NEDD1: variants seen among roughly 807,000 people sequenced by gnomAD.
NEDD1 encodes protein NEDD1.
A neutral mutation model predicts 74.0 loss-of-function variants in NEDD1; 33 were observed. The observed-to-expected ratio is 0.45, with a 90% CI of 0.34 to 0.60. The LOEUF (loss-of-function observed/expected upper bound fraction) is 0.60. Among genes scored for constraint, NEDD1 ranks in the 20% least tolerant of loss-of-function variants. NEDD1 has a pLI of 0.01. For synonymous variants in NEDD1, 250 were observed against 264.4 expected, an observed-to-expected ratio of 0.95 and a Z score of 0.53; for missense variants, 746 against 776.5, an observed-to-expected ratio of 0.96 and a Z score of 0.47.
intron 6 of NEDD1, among the ~76,000 whole-genome samples, chr12:96,931,910 A>AT (rs1391446391): frequency 1.3e-5 from 2 of 152,038 alleles, no homozygotes; most frequent in African/African-American, 4.8e-5. Context: ...GATAAAAAAA[A>AT]TTTTTTTCTA....
intron 9 of NEDD1, among the ~76,000 whole-genome samples, chr12:96,937,636 C>G (rs1203471752): frequency 2.0e-5 from 3 of 151,980 alleles, no homozygotes; most frequent in Non-Finnish European, 4.4e-5. Context: ...GAAATATTGT[C>G]TTAAAAATGG....
rs530416309 is a variant in NEDD1, at chr12:96,936,395, A to C, written c.720-216A>C. 3.9e-5 allele frequency among the ~76,000 whole-genome samples: 6 copies of C among 152,316 alleles called. No individual in the cohort carries two copies. In the South Asian group the frequency reaches 1.2e-3, roughly 32 times the overall value. On this transcript the variant is annotated intron_variant, in intron 7 of 15. Transcript: ENST00000266742. ...CCTATTGGAAGTGAATAGAAAAGTA[A>C]GATGGAATGTTTAGCAGTTCTCTAT...
intron 6 of NEDD1, among the ~76,000 whole-genome samples, chr12:96,927,179 A>G (rs1194375223): frequency 6.6e-6 from 1 of 152,206 alleles, no homozygotes; most frequent in African/African-American, 2.4e-5. Context: ...AAATTTTTCT[A>G]CTTTTGCTTC....
At chr12:96,909,487 G>A (rs1873673270) in intron 2 of NEDD1, among the ~76,000 whole-genome samples, 1 of 151,830 alleles carries the variant, frequency 6.6e-6, no homozygotes, top group African/African-American at 2.4e-5. Context: ...AAAGAGGAGA[G>A]TTACATGGGG....
chr12:96,940,401 C>T lies in NEDD1; in HGVS notation c.1118-8C>T, dbSNP rs376668036. The T allele has an allele frequency of 1.0e-5, 16 of 1,545,344 alleles. No homozygotes were observed. The African/African-American group carries it at 2.2e-4, about 21-fold the overall frequency. The stretch of plus-strand genomic sequence containing the variant: ...ATAACATTGATTTTTATATCTAATT[C>T]CTATAAGGTTTGCCTCGAAGCATAA... On this transcript the variant is annotated splice_polypyrimidine_tract_variant and splice_region_variant and intron_variant, in intron 9 of 15. Transcript: ENST00000266742.
At chr12:96,921,005 G>A (rs538397030) in intron 6 of NEDD1, among the ~76,000 whole-genome samples, 19 of 152,228 alleles carry the variant, frequency 1.2e-4, no homozygotes, top group African/African-American at 3.9e-4. Flanking sequence ...ACAGTCTTAT[G>A]GTGATTCAGA....
chr12:96,941,054 A>C (rs1448094021), intron 10 of NEDD1, among the ~76,000 whole-genome samples: 1 of 152,092 alleles, frequency 6.6e-6, no homozygotes, highest in Non-Finnish European at 1.5e-5. Flanking sequence ...TCTTTTTGGT[A>C]CTAACATCCA....
intron 4 of NEDD1, among the ~76,000 whole-genome samples, chr12:96,915,065 T>C (rs1381552025): frequency 6.6e-6 from 1 of 152,208 alleles, no homozygotes; most frequent in African/African-American, 2.4e-5. Context: ...TTCTAAAGCT[T>C]CTTAGTCTCC....
chr12:96,911,238 G>A (rs187099198), intron 3 of NEDD1, among the ~76,000 whole-genome samples: 34 of 152,262 alleles, frequency 2.2e-4, no homozygotes, highest in Middle Eastern at 3.4e-3. Flanking sequence ...ATAAGAGAAA[G>A]GTAGCAATTT....
At chr12:96,913,368 C>T (rs1477761864) in intron 4 of NEDD1, among the ~76,000 whole-genome samples, 1 of 151,748 alleles carries the variant, frequency 6.6e-6, no homozygotes, top group African/African-American at 2.4e-5. Flanking sequence ...GTACTGTTGC[C>T]TTATCCTTTT....
In NEDD1 at chr12:96,936,938, A is replaced by G; in HGVS notation, c.921+126A>G. 3 of 619,748 alleles carry G rather than the reference A, an allele frequency of 4.8e-6. No individual in the cohort carries two copies. In the South Asian group the frequency reaches 8.4e-5, roughly 17 times the overall value. 38.4% of individuals were successfully genotyped at this position (619,748 alleles called of 1,614,324 possible). On this transcript the variant is annotated intron_variant, in intron 8 of 15. Transcript: ENST00000266742. ...TAATTACATAATGATTTTACATGTAATGTATAATAATTTTAGTACAAAGCC... is the reference window on the plus strand; with the variant it reads ...TAATTACATAATGATTTTACATGTAGTGTATAATAATTTTAGTACAAAGCC...
At chr12:96,926,988 TTGTGTGTG>T (rs58398494) in intron 6 of NEDD1, among the ~76,000 whole-genome samples, 1 of 147,816 alleles carries the variant, frequency 6.8e-6, no homozygotes. Context: ...AAAAAAAAAA[TTGTGTGTG>T]TGTGTGTGTG....
At chr12:96,929,624 T>TATATATA (rs34602531) in intron 6 of NEDD1, among the ~76,000 whole-genome samples, 31 of 125,336 alleles carry the variant, frequency 2.5e-4, no homozygotes, top group African/African-American at 9.4e-4. Flanking sequence ...TATATATATA[T>TATATATA]TTTTTTTTTA....
Position 96,907,677 on chromosome 12 carries a change from G to T in NEDD1, c.-188G>T, listed in dbSNP as rs1296831338. ...CAAGTAAAGTGTATTTTTGGTGATT[G>T]AAAGTTGGAGAACTTTCATTTCAGC... On this transcript the variant is annotated 5_prime_UTR_variant, in exon 2 of 16. Coordinates refer to ENST00000266742, the MANE Select transcript of NEDD1 (RefSeq NM_152905.4). 3.9e-6 allele frequency: 6 copies of T among 1,551,112 alleles called. No individual in the cohort carries two copies. In the African/African-American group the frequency reaches 4.1e-5, roughly 11 times the overall value.
At position 96,947,637 on chromosome 12, in the gene NEDD1, C is replaced by A. The variant is rs950489101; in HGVS notation, c.1811+1788C>A. ...GATTTGAGGACAGTGGGCTCAGGGC[C>A]TTTCCTTCAGCAGACCCAGGGATCT... On this transcript the variant is annotated intron_variant, in intron 14 of 15. Coordinates refer to ENST00000266742, the MANE Select transcript of NEDD1 (RefSeq NM_152905.4). Among the ~76,000 whole-genome samples, 25 of 152,306 alleles carry A rather than the reference C, an allele frequency of 1.6e-4. 2 individuals are homozygous for A. Among genetic ancestry groups the A allele is most frequent in the Admixed American group, 8.5e-4 (13 of 15,298 alleles).
intron 6 of NEDD1, among the ~76,000 whole-genome samples, chr12:96,921,600 G>A (rs538154210): frequency 2.0e-5 from 3 of 151,996 alleles, no homozygotes; most frequent in South Asian, 4.1e-4. Context: ...ATATTTGAAT[G>A]TATGAATATT....
At chr12:96,930,738 G>T (rs1365857804) in intron 6 of NEDD1, among the ~76,000 whole-genome samples, 4 of 152,098 alleles carry the variant, frequency 2.6e-5, no homozygotes, top group African/African-American at 7.2e-5. Context: ...ACCCAAGTTC[G>T]CAGATGCTAG....
At position 96,943,630 on chromosome 12, in the gene NEDD1, A is replaced by G. The variant is rs773231338; in HGVS notation, c.1365A>G (p.Ser455=). The part of the protein sequence containing the change: ...PRKNPVTSST[S]VLHSSPLNVF... Reference sequence around the variant, plus strand: ...AAAATCCAGTAACTTCAAGTACTTCAGTATTGCATTCTAGTCCTCTTAATG... The same window carrying G: ...AAAATCCAGTAACTTCAAGTACTTCGGTATTGCATTCTAGTCCTCTTAATG... Residue 455 remains serine (S), a synonymous_variant, in exon 12 of 16, where the codon TCA becomes TCG. Coordinates refer to ENST00000266742, the MANE Select transcript of NEDD1 (RefSeq NM_152905.4). 9 of 1,612,172 alleles carry G rather than the reference A, an allele frequency of 5.6e-6. No individual in the cohort carries two copies. In the South Asian group the frequency reaches 6.6e-5, roughly 12 times the overall value.
chr12:96,928,438 T>A (rs1046384753), intron 6 of NEDD1, among the ~76,000 whole-genome samples: 2 of 152,180 alleles, frequency 1.3e-5, no homozygotes, highest in African/African-American at 4.8e-5. Flanking sequence ...GTACAAGTTC[T>A]CTTTCAATGT....
Sources: allele counts gnomAD v4.1 joint callset (sites outside exome capture counted in the v4.1 genomes callset), GRCh38; gene constraint gnomAD v4.1.1; transcripts MANE v1.5; gene names NCBI Gene and HGNC (gene_info 2026-07-23, HGNC 2026-07-21).